TASOR: variants seen among roughly 807,000 people sequenced by gnomAD.
TASOR encodes the protein transcription activation suppressor.
Under a neutral mutation model 178.6 loss-of-function variants are expected in TASOR, and 53 were observed. The ratio of observed to expected loss-of-function variants is 0.30; its 90% CI spans 0.24 to 0.37. The LOEUF (loss-of-function observed/expected upper bound fraction) is 0.37, where lower values mean the gene tolerates loss of function less well. Among genes scored for constraint, TASOR ranks in the 10% least tolerant of loss-of-function variants. The probability of loss-of-function intolerance (pLI) is 1.00; values close to 1 mark genes in which losing one functional copy is unlikely to be tolerated. For synonymous variants in TASOR, 713 were observed against 696.2 expected, an observed-to-expected ratio of 1.02 and a Z score of -0.38; for missense variants, 1,815 against 1,971.4, an observed-to-expected ratio of 0.92 and a Z score of 1.50.
chr3:56,655,009 T>C (rs1289422189), intron 11 of TASOR, among the ~76,000 whole-genome samples: 2 of 152,172 alleles, frequency 1.3e-5, no homozygotes, highest in Non-Finnish European at 2.9e-5. Flanking sequence ...CACCATAAAC[T>C]ATTGGTTCTG....
At chr3:56,627,839 A>G (rs1013208032) in intron 19 of TASOR, 98 bp from the exon 20 acceptor site, 1 of 1,033,020 alleles carries the variant, frequency 9.7e-7, no homozygotes, top group Non-Finnish European at 1.4e-6. Context: ...AGAATGCATT[A>G]TGGCTCATCT....
intron 11 of TASOR, among the ~76,000 whole-genome samples, chr3:56,653,687 T>A (rs1430021906): frequency 1.4e-5 from 2 of 144,082 alleles, no homozygotes; most frequent in Non-Finnish European, 3.0e-5. Flanking sequence ...ACACAGTAGA[T>A]CTTAGTCTCA....
At position 56,641,476 on chromosome 3, in the gene TASOR, G is replaced by C. The variant is rs17056999; in HGVS notation, c.2492C>G (p.Ala831Gly). The C allele has an allele frequency of 0.016, 25,658 of 1,613,434 alleles. 318 individuals are homozygous for C. The highest frequency in any genetic ancestry group is 0.062 in the African/African-American group (4,677 of 75,006). ...CTTAAACTGTGCATTTTCAACTTTTGCACAAGTAGGCTGCTCATAGTCTTT... is the reference window on the plus strand; with the variant it reads ...CTTAAACTGTGCATTTTCAACTTTTCCACAAGTAGGCTGCTCATAGTCTTT... ...DKKDYEQPTCAKVENAQFKGT... is the reference protein window; with the variant it reads ...DKKDYEQPTCGKVENAQFKGT... Residue 831 changes from alanine to glycine, a missense_variant, in exon 15 of 24, where the codon GCA (alanine) becomes GGA (glycine). Ala to Gly is a moderately conservative substitution (Grantham distance 60, BLOSUM62 0). Transcript: ENST00000683822.
At position 56,623,214 on chromosome 3, in the gene TASOR, A is replaced by G; in HGVS notation, c.4836T>C (p.Asn1612=). 3 of 1,613,682 alleles carry G rather than the reference A, an allele frequency of 1.9e-6. No individual in the cohort carries two copies. The South Asian group carries it at 3.3e-5, about 18-fold the overall frequency. Residue 1612 remains asparagine (N), a synonymous_variant, in exon 24 of 24, where the codon AAT becomes AAC. Coordinates refer to ENST00000683822, the MANE Select transcript of TASOR (RefSeq NM_001365635.2). The part of the protein sequence containing the change: ...LNMSHQFSHF[N]VLTHQTFLGT... ...CCAAAAATGTCTGATGAGTGAGAAC[A>G]TTAAAATGACTAAACTGATGGGACA...
rs753061063 is a variant in TASOR, at chr3:56,623,170, G to A, written c.4880C>T (p.Ser1627Leu). 1.2e-6 allele frequency: 2 copies of A among 1,613,786 alleles called. No homozygotes were observed. The highest frequency in any genetic ancestry group is 1.1e-5 in the South Asian group (1 of 91,066). The change falls in exon 24 of 24, where the codon TCA becomes TTA. Residue 1627 changes from serine (S) to leucine (L), a missense_variant. Transcript: ENST00000683822. ...CTCATTTTCTTGAGACTGACTTGAT[G>A]AAAGGGCATATGGTGTCCCCAAAAA... ...QTFLGTPYALSSSQSQENENY... is the reference protein window; with the variant it reads ...QTFLGTPYALLSSQSQENENY...
At position 56,646,672 on chromosome 3, in the gene TASOR, GAATTA is replaced by G. The variant is rs773686516; in HGVS notation, c.2060_2064del (p.Leu687SerfsTer3). The stretch of plus-strand genomic sequence containing the variant: ...CCACCCACACTCTTTTTCCTACACT[GAATTA>G]AATTAATCAATTCTTTGACTCTATC... On this transcript the variant is annotated frameshift_variant, in exon 14 of 24. Transcript: ENST00000683822. LOFTEE classifies it high-confidence loss of function. The G allele has an allele frequency of 6.2e-6, 10 of 1,613,528 alleles. No individual in the cohort carries two copies. The highest frequency in any genetic ancestry group is 2.2e-5 in the South Asian group (2 of 91,066).
intron 1 of TASOR, among the ~76,000 whole-genome samples, 181 bp downstream of exon 1, chr3:56,682,495 C>T (rs908530158): frequency 7.2e-5 from 11 of 151,786 alleles, no homozygotes; most frequent in African/African-American, 2.4e-4. Context: ...GAGCGTGGTT[C>T]CACCGCTTTC....
intron 19 of TASOR, among the ~76,000 whole-genome samples, chr3:56,628,089 A>G (rs149200367): frequency 7.2e-4 from 109 of 152,368 alleles, no homozygotes; most frequent in African/African-American, 2.5e-3. Flanking sequence ...AAAGACGTCC[A>G]AGATGTAGGA....
chr3:56,659,796 G>A (rs1278800221), intron 11 of TASOR, among the ~76,000 whole-genome samples: 1 of 152,076 alleles, frequency 6.6e-6, no homozygotes, highest in East Asian at 1.9e-4. Context: ...TATGACACAG[G>A]TCCCTACTAC....
At chr3:56,645,975 C>T (rs1407715252) in intron 14 of TASOR, among the ~76,000 whole-genome samples, 1 of 152,024 alleles carries the variant, frequency 6.6e-6, no homozygotes, top group Non-Finnish European at 1.5e-5. Context: ...GGTGAAACCC[C>T]GTCTCTACTA....
intron 15 of TASOR, 130 bp from the exon 16 acceptor site, chr3:56,640,260 A>C: frequency 1.3e-6 from 1 of 743,496 alleles, no homozygotes. Context: ...CAACATGGTA[A>C]AGTTATACTC....
At chr3:56,681,404 C>A (rs1209183278) in intron 1 of TASOR, among the ~76,000 whole-genome samples, 1 of 152,220 alleles carries the variant, frequency 6.6e-6, no homozygotes, top group Non-Finnish European at 1.5e-5. Context: ...TAGAAACATT[C>A]CTCATGCTAA....
In TASOR at chr3:56,682,999, G is replaced by C; in HGVS notation, c.8C>G (p.Thr3Ser). 3 of 1,543,798 alleles carry C rather than the reference G, an allele frequency of 1.9e-6. No individual in the cohort carries two copies. The highest frequency in any genetic ancestry group is 1.2e-5 in the South Asian group (1 of 83,538). Residue 3 changes from threonine to serine, a missense_variant, in exon 1 of 24, where the codon ACT (threonine) becomes AGT (serine). Thr to Ser is a moderately conservative substitution (Grantham distance 58, BLOSUM62 1). This residue lies in a region of TASOR where 244 missense variants were observed against 202.7 expected (regional missense o/e 1.20). Transcript: ENST00000683822. MA[T>S]AVETEACQPT... Reference sequence around the variant, plus strand: ...CTGACAGGCCTCCGTCTCCACAGCAGTCGCCATCGCGCCGGCCTAAGGAGC... The same window carrying C: ...CTGACAGGCCTCCGTCTCCACAGCACTCGCCATCGCGCCGGCCTAAGGAGC...
chr3:56,649,483 A>G (rs1321233447), intron 11 of TASOR, among the ~76,000 whole-genome samples: 1 of 152,198 alleles, frequency 6.6e-6, no homozygotes, highest in East Asian at 1.9e-4. Flanking sequence ...CACAAACCCA[A>G]TGTGTTGCCA....
intron 2 of TASOR, among the ~76,000 whole-genome samples, chr3:56,672,312 C>A (rs1370799798): frequency 6.6e-6 from 1 of 152,150 alleles, no homozygotes; most frequent in Non-Finnish European, 1.5e-5. Flanking sequence ...TATCTTCAGA[C>A]TAAATTTTCA....
intron 19 of TASOR, among the ~76,000 whole-genome samples, 181 bp downstream of exon 19, chr3:56,628,311 G>A (rs911625403): frequency 1.3e-5 from 2 of 152,214 alleles, no homozygotes; most frequent in Non-Finnish European, 2.9e-5. Context: ...GATCTGTGAT[G>A]TGCAGCAATT....
At chr3:56,638,835 C>T in intron 16 of TASOR, 70 bp from the exon 17 acceptor site, 2 of 1,427,876 alleles carry the variant, frequency 1.4e-6, no homozygotes, top group Non-Finnish European at 2.0e-6. Flanking sequence ...TTTCAGACAA[C>T]CCCAAGTGAT....
In TASOR at chr3:56,633,101, A is replaced by G. The variant is rs1311598286; in HGVS notation, c.3690T>C (p.Asn1230=). ...LVKIMKDVQK[N]TVKFYIHEEE... ...CTTCATGAATATAAAATTTCACAGT[A>G]TTTTTCTGGACGTCTTTCATGATTT... The change falls in exon 18 of 24, where the codon AAT becomes AAC. Residue 1230 remains asparagine, a synonymous_variant. Transcript: ENST00000683822. 2 of 1,611,102 alleles carry G rather than the reference A, an allele frequency of 1.2e-6. No individual in the cohort carries two copies. The highest frequency in any genetic ancestry group is 1.1e-5 in the South Asian group (1 of 90,320).
chr3:56,624,759 C>A, intron 22 of TASOR, 69 bp downstream of exon 22: 1 of 1,564,406 alleles, frequency 6.4e-7, no homozygotes, highest in Non-Finnish European at 8.7e-7. Context: ...ATACCCACCA[C>A]AGCCCCATAA....
Sources: allele counts gnomAD v4.1 joint callset (sites outside exome capture counted in the v4.1 genomes callset), GRCh38; gene constraint gnomAD v4.1.1; regional missense constraint gnomAD v4.1.1; transcripts MANE v1.5; gene names NCBI Gene and HGNC (gene_info 2026-07-23, HGNC 2026-07-21).